CTNNBIP1: variants seen among roughly 807,000 people sequenced by gnomAD.
CTNNBIP1 encodes beta-catenin-interacting protein 1.
CTNNBIP1 carries 7 observed loss-of-function variants against 11.8 expected under a neutral mutation model. That is an observed-to-expected ratio of 0.60 (90% confidence interval 0.34 to 1.12). The LOEUF (loss-of-function observed/expected upper bound fraction) is 1.12, where lower values mean the gene tolerates loss of function less well. CTNNBIP1 is among the 50% of genes most tolerant of loss of function. The pLI is 0.03. For missense variants in CTNNBIP1, 101 were observed against 113.4 expected, an observed-to-expected ratio of 0.89 and a Z score of 0.50; for synonymous variants, 58 against 43.9, an observed-to-expected ratio of 1.32 and a Z score of -1.26.
In CTNNBIP1 at chr1:9,864,478, G is replaced by A. The variant is rs377311747; in HGVS notation, c.187+6709C>T. On this transcript the variant is annotated intron_variant, in intron 5 of 5. Transcript: ENST00000377263. ...TGAGTAGCCAGGACTACAGGCGCCC[G>A]CCACCACGCCCGGCTAATTTTTTGT... 8.9e-4 allele frequency among the ~76,000 whole-genome samples: 135 copies of A among 152,284 alleles called. 1 individual carries two copies. The highest frequency in any genetic ancestry group is 6.2e-3 in the South Asian group (30 of 4,824).
rs1262444474 is a variant in CTNNBIP1, at chr1:9,871,569, C to T, written c.97-292G>A. Among the ~76,000 whole-genome samples the T allele has an allele frequency of 4.6e-5, 7 of 152,110 alleles. No individual in the cohort carries two copies. Among genetic ancestry groups the T allele is most frequent in the African/African-American group, 7.2e-5 (3 of 41,408 alleles). On this transcript the variant is annotated intron_variant, in intron 4 of 5. Coordinates refer to ENST00000377263, the MANE Select transcript of CTNNBIP1 (RefSeq NM_020248.3). The surrounding 1 kb of genome is among the most constrained non-coding windows in gnomAD (Gnocchi z 5.2). ...AAGTCCTGCCCGGAAGGCTGAGGGGCGATTCCATGTCCCTCCACTCTTTTT... is the reference window on the plus strand; with the variant it reads ...AAGTCCTGCCCGGAAGGCTGAGGGGTGATTCCATGTCCCTCCACTCTTTTT...
chr1:9,897,775 C>T (rs1246093480), intron 1 of CTNNBIP1, among the ~76,000 whole-genome samples: 1 of 152,096 alleles, frequency 6.6e-6, no homozygotes, highest in African/African-American at 2.4e-5. Context: ...GATCGTGCCA[C>T]TGTATTCCAG....
chr1:9,862,372 C>T (rs1220406), intron 5 of CTNNBIP1, among the ~76,000 whole-genome samples: 21,022 of 152,210 alleles, frequency 0.14, 1,636 homozygotes, highest in South Asian at 0.2. Context: ...CATGCACCAC[C>T]GTGCCTGCCC....
At chr1:9,895,136 T>C (rs1186860838) in intron 1 of CTNNBIP1, among the ~76,000 whole-genome samples, 3 of 151,862 alleles carry the variant, frequency 2.0e-5, no homozygotes, top group Non-Finnish European at 4.4e-5. Flanking sequence ...CTCGATCTCC[T>C]GACCTCATGA....
chr1:9,856,275 T>C (rs1169725046), intron 5 of CTNNBIP1, among the ~76,000 whole-genome samples: 3 of 152,042 alleles, frequency 2.0e-5, no homozygotes, highest in Non-Finnish European at 4.4e-5. Context: ...CCATGTAAAG[T>C]ACTGGGATTA....
In CTNNBIP1 at chr1:9,850,482, G is replaced by T; in HGVS notation, c.*236C>A. On this transcript the variant is annotated 3_prime_UTR_variant, in exon 6 of 6. Coordinates refer to ENST00000377263, the MANE Select transcript of CTNNBIP1 (RefSeq NM_020248.3). ...TGGTCAAGATTTAAAAAATAAAAAA[G>T]TTTCTTCCTGCAGCCAATCACAAGT... 1 of 422,398 alleles carries T rather than the reference G, an allele frequency of 2.4e-6. No individual in the cohort carries two copies. The highest frequency in any genetic ancestry group is 2.0e-5 in the African/African-American group (1 of 49,600). The allele number at this position is 422,398 out of a possible 1,614,324, so 26.2% of individuals were successfully genotyped here.
At chr1:9,862,390 G>T (rs1220148272) in intron 5 of CTNNBIP1, among the ~76,000 whole-genome samples, 1 of 152,092 alleles carries the variant, frequency 6.6e-6, no homozygotes, top group Non-Finnish European at 1.5e-5. Flanking sequence ...CCCCATCCTG[G>T]CATATTCTCA....
At chr1:9,908,030 C>T (rs1639650660) in intron 1 of CTNNBIP1, among the ~76,000 whole-genome samples, 1 of 152,236 alleles carries the variant, frequency 6.6e-6, no homozygotes, top group Non-Finnish European at 1.5e-5. Flanking sequence ...TTACGACCTA[C>T]AAAATCTTTG....
At chr1:9,882,940 C>T (rs964148853) in intron 2 of CTNNBIP1, among the ~76,000 whole-genome samples, 3 of 152,174 alleles carry the variant, frequency 2.0e-5, no homozygotes, top group African/African-American at 7.2e-5. Context: ...CAAGCTAGTT[C>T]CGGGAAACAT....
chr1:9,898,352 C>T (rs560359712), intron 1 of CTNNBIP1, among the ~76,000 whole-genome samples: 17 of 151,946 alleles, frequency 1.1e-4, no homozygotes, highest in South Asian at 8.3e-4. Context: ...GGTGAAACCC[C>T]GTCTCTGCTA....
chr1:9,867,353 T>C lies in CTNNBIP1; in HGVS notation c.187+3834A>G, dbSNP rs1570569501. Among the ~76,000 whole-genome samples, 1 of 152,114 alleles carries C rather than the reference T, an allele frequency of 6.6e-6. No homozygotes were observed. Among genetic ancestry groups the C allele is most frequent in the South Asian group, 2.1e-4 (1 of 4,838 alleles). On this transcript the variant is annotated intron_variant, in intron 5 of 5. Coordinates refer to ENST00000377263, the MANE Select transcript of CTNNBIP1 (RefSeq NM_020248.3). This position sits in a 1 kb window ranked among gnomAD's most constrained non-coding sequence, Gnocchi z 4.6. ...TCTCCAGCACCTGCCTGGCTCCCCA[T>C]AGATACTCAACAAATGTGACCGAGG...
At chr1:9,852,204 C>A (rs1327155479) in intron 5 of CTNNBIP1, among the ~76,000 whole-genome samples, 1 of 152,198 alleles carries the variant, frequency 6.6e-6, no homozygotes, top group Admixed American at 6.5e-5. Flanking sequence ...CATGTGCTGA[C>A]CTCCTTCCAA....
chr1:9,859,132 C>T (rs1478872336), intron 5 of CTNNBIP1, among the ~76,000 whole-genome samples: 2 of 152,194 alleles, frequency 1.3e-5, no homozygotes, highest in African/African-American at 4.8e-5. Context: ...GTCCCCACTC[C>T]TATCTCCCCT....
At chr1:9,865,359 G>A (rs1400985200) in intron 5 of CTNNBIP1, among the ~76,000 whole-genome samples, 1 of 152,176 alleles carries the variant, frequency 6.6e-6, no homozygotes, top group Non-Finnish European at 1.5e-5. Flanking sequence ...CCAGCACTTT[G>A]GGGGGCCGAA....
intron 5 of CTNNBIP1, among the ~76,000 whole-genome samples, chr1:9,870,106 G>A (rs568767547): frequency 1.3e-5 from 2 of 152,236 alleles, no homozygotes; most frequent in Non-Finnish European, 2.9e-5. Context: ...CCCTGTGCCA[G>A]GACAGAGCCC....
intron 5 of CTNNBIP1, among the ~76,000 whole-genome samples, chr1:9,869,363 G>GGATTT (rs1181469197): frequency 1.3e-5 from 2 of 150,858 alleles, no homozygotes; most frequent in Non-Finnish European, 3.0e-5. Flanking sequence ...TTGTTGCTGG[G>GGATTT]GTTTTGTTTT....
intron 2 of CTNNBIP1, among the ~76,000 whole-genome samples, chr1:9,882,822 G>C (rs1639112062): frequency 6.6e-6 from 1 of 152,220 alleles, no homozygotes; most frequent in Non-Finnish European, 1.5e-5. Flanking sequence ...GAAGCCCATG[G>C]AGGCGCAAAA....
At chr1:9,875,542 G>C (rs1451128079) in intron 3 of CTNNBIP1, among the ~76,000 whole-genome samples, 1 of 152,234 alleles carries the variant, frequency 6.6e-6, no homozygotes, top group Non-Finnish European at 1.5e-5. Context: ...CCTAGGGCTT[G>C]GGCTGCCCAG....
intron 1 of CTNNBIP1, among the ~76,000 whole-genome samples, chr1:9,906,055 C>G (rs1458391745): frequency 6.6e-6 from 1 of 152,200 alleles, no homozygotes; most frequent in Non-Finnish European, 1.5e-5. Flanking sequence ...TTAGCATATA[C>G]CAAGTGCTAG....
Sources: gnomAD v4.1 joint callset for allele counts (sites outside exome capture counted in the v4.1 genomes callset) on GRCh38, gnomAD v4.1.1 for gene constraint, Gnocchi (gnomAD v3.1) non-coding constraint, MANE v1.5 for transcripts, NCBI Gene and HGNC (gene_info 2026-07-23, HGNC 2026-07-21) for gene names.